C10orf90: variants seen among roughly 807,000 people sequenced by gnomAD.
C10orf90 encodes the protein chromosome 10 open reading frame 90.
In C10orf90, 56 loss-of-function variants were observed where a neutral mutation model predicts 62.5. The observed-to-expected ratio is 0.90, with a 90% CI of 0.72 to 1.12. The LOEUF (loss-of-function observed/expected upper bound fraction) is 1.12. C10orf90 is among the 50% of genes most tolerant of loss of function. C10orf90 has a pLI of 0.00. For missense variants in C10orf90, 970 were observed against 880.4 expected (o/e 1.10, Z -1.29); for synonymous variants, 386 against 340.4 (o/e 1.13, Z -1.47).
chr10:126,612,488 T>A (rs1021563537), intron 2 of C10orf90, among the ~76,000 whole-genome samples: 6 of 152,182 alleles, frequency 3.9e-5, no homozygotes, highest in African/African-American at 1.2e-4. Flanking sequence ...GAGACGCTAA[T>A]CAGAGTGGCT....
rs541275781 is a variant in C10orf90 at position 126,634,935 on chromosome 10, C to T, written c.313+11630G>A. 1.1e-4 allele frequency among the ~76,000 whole-genome samples: 17 copies of T among 152,302 alleles called. 1 individual carries two copies. The highest frequency in any genetic ancestry group is 7.2e-4 in the Admixed American group (11 of 15,294). On this transcript the variant is annotated intron_variant, in intron 2 of 9. Transcript: ENST00000488181. ...GCACCCCAAGCTAAGAATCCACATT[C>T]CCAAACTTCATCACACAGTGCGGCT...
At chr10:126,609,321 T>C (rs1845381731) in intron 2 of C10orf90, among the ~76,000 whole-genome samples, 1 of 152,198 alleles carries the variant, frequency 6.6e-6, no homozygotes, top group African/African-American at 2.4e-5. Context: ...GAGAATCACT[T>C]GAACCTAGGA....
At chr10:126,642,224 C>T (rs544119668) in intron 2 of C10orf90, among the ~76,000 whole-genome samples, 18 of 152,224 alleles carry the variant, frequency 1.2e-4, no homozygotes, top group African/African-American at 4.3e-4. Flanking sequence ...TCAACGCTGG[C>T]ACTACGTACT....
At chr10:126,661,717 C>G (rs1411989914) in intron 1 of C10orf90, among the ~76,000 whole-genome samples, 1 of 144,744 alleles carries the variant, frequency 6.9e-6, no homozygotes, top group East Asian at 2.0e-4. Flanking sequence ...GTTCATTGAT[C>G]TTTTCTTCTG....
intron 2 of C10orf90, among the ~76,000 whole-genome samples, chr10:126,565,560 C>G (rs116233108): frequency 1.3e-5 from 2 of 149,636 alleles, no homozygotes; most frequent in Non-Finnish European, 3.0e-5. Flanking sequence ...TTATTAGCAT[C>G]TGGAAAACTG....
intron 2 of C10orf90, among the ~76,000 whole-genome samples, chr10:126,620,446 A>G (rs1354605056): frequency 6.6e-6 from 1 of 152,148 alleles, no homozygotes; most frequent in Non-Finnish European, 1.5e-5. Context: ...TTTTGGCCTT[A>G]ATCAATTTTT....
intron 3 of C10orf90, among the ~76,000 whole-genome samples, chr10:126,509,898 G>A (rs1389211360): frequency 6.6e-6 from 1 of 152,180 alleles, no homozygotes; most frequent in Non-Finnish European, 1.5e-5. Flanking sequence ...ACTACACACT[G>A]TGTGACTTAA....
chr10:126,605,875 A>ACATG (rs1554924675), intron 2 of C10orf90, among the ~76,000 whole-genome samples: 2 of 139,146 alleles, frequency 1.4e-5, no homozygotes, highest in Admixed American at 7.2e-5. Flanking sequence ...AAAAATACAT[A>ACATG]CATGCATACA....
At chr10:126,598,564 G>A (rs1167251050) in intron 2 of C10orf90, among the ~76,000 whole-genome samples, 1 of 152,116 alleles carries the variant, frequency 6.6e-6, no homozygotes, top group Admixed American at 6.5e-5. Context: ...TTCAGCTTGT[G>A]GTCTCTTCAG....
At chr10:126,473,772 G>C (rs1055764266) in intron 4 of C10orf90, among the ~76,000 whole-genome samples, 5 of 151,916 alleles carry the variant, frequency 3.3e-5, no homozygotes, top group African/African-American at 1.2e-4. Context: ...ACAGATGCGT[G>C]GTAGCATAGA....
intron 4 of C10orf90, among the ~76,000 whole-genome samples, chr10:126,467,841 G>T (rs1204244468): frequency 6.6e-6 from 1 of 152,064 alleles, no homozygotes; most frequent in Non-Finnish European, 1.5e-5. Flanking sequence ...ACAATGTAAA[G>T]ATATTAAACA....
intron 4 of C10orf90, among the ~76,000 whole-genome samples, chr10:126,467,939 C>T (rs1297588749): frequency 2.0e-5 from 3 of 152,204 alleles, no homozygotes; most frequent in Non-Finnish European, 4.4e-5. Context: ...GGCACCCACC[C>T]ACATTCTACG....
At chr10:126,441,556 A>C (rs149484149) in intron 7 of C10orf90, among the ~76,000 whole-genome samples, 262 of 152,304 alleles carry the variant, frequency 1.7e-3, no homozygotes, top group African/African-American at 5.8e-3. Context: ...TCATCTCAAA[A>C]AGATCATCGC....
intron 2 of C10orf90, among the ~76,000 whole-genome samples, chr10:126,582,523 T>C (rs1413109278): frequency 1.3e-5 from 2 of 152,212 alleles, no homozygotes; most frequent in Admixed American, 1.3e-4. Context: ...GGCTGTGATC[T>C]TGGGGAACGG....
At chr10:126,433,313 A>C (rs1283219841) in intron 7 of C10orf90, among the ~76,000 whole-genome samples, 2 of 152,188 alleles carry the variant, frequency 1.3e-5, no homozygotes, top group Admixed American at 6.5e-5. Flanking sequence ...TTTAGATGCC[A>C]AGAGCAAAGT....
intron 4 of C10orf90, among the ~76,000 whole-genome samples, chr10:126,490,055 T>TTATATAA (rs1209834946): frequency 3.2e-5 from 3 of 95,166 alleles, no homozygotes; most frequent in East Asian, 5.2e-4. Context: ...ATATATTATG[T>TTATATAA]TATATAATAT....
chr10:126,658,756 GGATTGATT>G (rs201914038), intron 1 of C10orf90, among the ~76,000 whole-genome samples: 25 of 152,004 alleles, frequency 1.6e-4, no homozygotes, highest in African/African-American at 3.9e-4. Context: ...TGATTTTCAT[GGATTGATT>G]GATTGATTGA....
chr10:126,496,732 G>A, intron 4 of C10orf90: 6 of 984,812 alleles, frequency 6.1e-6, no homozygotes, highest in Non-Finnish European at 7.2e-6. Context: ...GATGGGGAAA[G>A]GTAGTTTGAG....
At position 126,504,811 on chromosome 10, in the gene C10orf90, C is replaced by G; in HGVS notation, c.680G>C (p.Cys227Ser). ...AELPPKEERP[C>S]GGPRRGFASI... ...TGCAAACCCTCTGCGGGGGCCCCCA[C>G]AGGGTCTCTCCTCTTTGGGCGGCAG... The change falls in exon 4 of 10, where the codon TGT (cysteine) becomes TCT (serine). Residue 227 changes from cysteine to serine, a missense_variant. By Grantham distance (112) the Cys-to-Ser change is moderately radical. Transcript: ENST00000488181. This position sits in a 1 kb window ranked among gnomAD's most constrained non-coding sequence, Gnocchi z 4.1. 6.3e-7 allele frequency: 1 copy of G among 1,592,256 alleles called. No individual in the cohort carries two copies. The highest frequency in any genetic ancestry group is 2.2e-5 in the East Asian group (1 of 44,630).
Sources: allele counts gnomAD v4.1 joint callset (sites outside exome capture counted in the v4.1 genomes callset), GRCh38; gene constraint gnomAD v4.1.1; non-coding constraint Gnocchi (gnomAD v3.1); transcripts MANE v1.5; gene names NCBI Gene and HGNC (gene_info 2026-07-23, HGNC 2026-07-21).